ROBO1: variants seen among roughly 807,000 people sequenced by gnomAD.
ROBO1 encodes roundabout homolog 1.
In ROBO1, 149 loss-of-function variants were observed where a neutral mutation model predicts 195.9. The ratio of observed to expected loss-of-function variants is 0.76; its 90% CI spans 0.67 to 0.87. The LOEUF (loss-of-function observed/expected upper bound fraction) is 0.87. Among genes scored for constraint, ROBO1 ranks in the 40% least tolerant of loss-of-function variants. ROBO1 has a pLI of 0.00. For missense variants in ROBO1, 1,933 were observed against 2,068.3 expected (o/e 0.93, Z 1.27); for synonymous variants, 816 against 733.2 (o/e 1.11, Z -1.82).
chr3:78,963,948 G>C (rs188823527), intron 3 of ROBO1, among the ~76,000 whole-genome samples: 8 of 152,332 alleles, frequency 5.3e-5, no homozygotes, highest in Admixed American at 2.6e-4. Flanking sequence ...CAACAGAAAT[G>C]TATTGAATTC....
Position 79,458,027 on chromosome 3 carries a change from T to A in ROBO1, c.88+131797A>T, listed in dbSNP as rs531680440. ...GAGTTTTCTATCACCCAATTCCACA[T>A]GAAGGAAAGAAAGCAGCTTAATGAT... On this transcript the variant is annotated intron_variant, in intron 2 of 30. Transcript: ENST00000464233. Among the ~76,000 whole-genome samples the A allele has an allele frequency of 9.2e-5, 14 of 151,968 alleles. No homozygotes were observed. The East Asian group carries it at 2.7e-3, about 29-fold the overall frequency.
intron 2 of ROBO1, among the ~76,000 whole-genome samples, chr3:79,426,313 C>G (rs2038445041): frequency 6.6e-6 from 1 of 152,006 alleles, no homozygotes; most frequent in South Asian, 2.1e-4. Flanking sequence ...ACTGACATTA[C>G]TATTACTTAT....
At chr3:78,685,125 A>G (rs2081023481) in intron 10 of ROBO1, among the ~76,000 whole-genome samples, 1 of 152,124 alleles carries the variant, frequency 6.6e-6, no homozygotes, top group African/African-American at 2.4e-5. Flanking sequence ...TATATGAAAT[A>G]AGATATGAAA....
At chr3:79,087,835 CA>C (rs1191259855) in intron 3 of ROBO1, among the ~76,000 whole-genome samples, 1 of 152,044 alleles carries the variant, frequency 6.6e-6, no homozygotes, top group African/African-American at 2.4e-5. Context: ...CTACCCCAAA[CA>C]ATATTGATAA....
At chr3:78,613,299 G>C (rs1158792826) in intron 28 of ROBO1, among the ~76,000 whole-genome samples, 2 of 152,098 alleles carry the variant, frequency 1.3e-5, no homozygotes, top group Non-Finnish European at 1.5e-5. Flanking sequence ...GTTTTTCAGT[G>C]AGAAGCACTC....
At chr3:78,989,156 C>T (rs968291878) in intron 3 of ROBO1, among the ~76,000 whole-genome samples, 1 of 151,836 alleles carries the variant, frequency 6.6e-6, no homozygotes, top group Admixed American at 6.6e-5. Flanking sequence ...AATATAGTTT[C>T]AAATAGCTAG....
chr3:79,682,886 C>G (rs1043626909), intron 1 of ROBO1, among the ~76,000 whole-genome samples: 1 of 151,928 alleles, frequency 6.6e-6, no homozygotes, highest in Non-Finnish European at 1.5e-5. Context: ...TTCAGAGTGG[C>G]TTCAAATTAT....
In ROBO1 at chr3:79,239,214, A is replaced by G. The variant is rs117993443; in HGVS notation, c.89-113675T>C. 7.3e-4 allele frequency among the ~76,000 whole-genome samples: 111 copies of G among 152,320 alleles called. 4 individuals are homozygous for G. The East Asian group carries it at 0.017, about 24-fold the overall frequency. On this transcript the variant is annotated intron_variant, in intron 2 of 30. Transcript: ENST00000464233. The stretch of plus-strand genomic sequence containing the variant: ...TAACGGCTAAGAAAAAGTATCCAAA[A>G]AGTGCTATAAAGTGCACTCAAAACA...
At position 79,086,276 on chromosome 3, in the gene ROBO1, G is replaced by C. The variant is rs150687140; in HGVS notation, c.172+39180C>G. Among the ~76,000 whole-genome samples, 16 of 151,086 alleles carry C rather than the reference G, an allele frequency of 1.1e-4. No homozygotes were observed. The East Asian group carries it at 3.1e-3, about 29-fold the overall frequency. ...AGGTGACCATACCACAGTTCTGCAA[G>C]ATAAAGGTTTTATTCAGTTAAAAAT... On this transcript the variant is annotated intron_variant, in intron 3 of 30. Transcript: ENST00000464233.
chr3:78,798,103 G>A (rs887199797), intron 4 of ROBO1, among the ~76,000 whole-genome samples: 2 of 152,104 alleles, frequency 1.3e-5, no homozygotes, highest in Non-Finnish European at 2.9e-5. Flanking sequence ...ACACTATAAA[G>A]TTCATATGGG....
At chr3:78,975,974 T>C (rs1253443005) in intron 3 of ROBO1, among the ~76,000 whole-genome samples, 1 of 152,206 alleles carries the variant, frequency 6.6e-6, no homozygotes, top group Non-Finnish European at 1.5e-5. Flanking sequence ...ACTTAAAATA[T>C]ACAGCATAAC....
chr3:78,780,471 C>T (rs1268454298), intron 4 of ROBO1, among the ~76,000 whole-genome samples: 1 of 151,496 alleles, frequency 6.6e-6, no homozygotes, highest in African/African-American at 2.4e-5. Context: ...TTTTTTCATT[C>T]CATATACATG....
chr3:78,803,489 T>C (rs2084431676), intron 4 of ROBO1, among the ~76,000 whole-genome samples: 1 of 152,114 alleles, frequency 6.6e-6, no homozygotes, highest in African/African-American at 2.4e-5. Context: ...ATAACTCTTA[T>C]TATGAGATGT....
At chr3:78,814,196 A>G (rs1002348828) in intron 4 of ROBO1, among the ~76,000 whole-genome samples, 12 of 152,056 alleles carry the variant, frequency 7.9e-5, no homozygotes, top group African/African-American at 2.9e-4. Flanking sequence ...GAGGAAAGAA[A>G]TTATTTATTA....
intron 2 of ROBO1, among the ~76,000 whole-genome samples, chr3:79,357,697 C>G (rs2035611813): frequency 1.3e-5 from 2 of 152,076 alleles, no homozygotes; most frequent in African/African-American, 4.8e-5. Context: ...GAACATAAGA[C>G]TTCTAAAACA....
At chr3:79,677,880 G>T (rs1165577325) in intron 1 of ROBO1, among the ~76,000 whole-genome samples, 1 of 152,032 alleles carries the variant, frequency 6.6e-6, no homozygotes, top group Non-Finnish European at 1.5e-5. Flanking sequence ...CTAAGCATAG[G>T]ACCCAGTTCA....
intron 4 of ROBO1, among the ~76,000 whole-genome samples, chr3:78,874,057 A>G (rs991063669): frequency 2.0e-5 from 3 of 151,890 alleles, no homozygotes; most frequent in African/African-American, 2.4e-5. Flanking sequence ...TACTAACCTT[A>G]AAGTATGAGC....
At chr3:78,937,643 C>A (rs578258086) in intron 4 of ROBO1, among the ~76,000 whole-genome samples, 1 of 152,090 alleles carries the variant, frequency 6.6e-6, no homozygotes, top group Non-Finnish European at 1.5e-5. Context: ...ATAGATACAA[C>A]AGTTTAATGG....
chr3:78,740,340 C>A, intron 5 of ROBO1, among the ~76,000 whole-genome samples: 1 of 150,348 alleles, frequency 6.7e-6, no homozygotes, highest in African/African-American at 2.5e-5. Flanking sequence ...ATTATTCTCT[C>A]TAAAAATTGA....
Sources: gnomAD v4.1 joint callset for allele counts (sites outside exome capture counted in the v4.1 genomes callset) on GRCh38, gnomAD v4.1.1 for gene constraint, MANE v1.5 for transcripts, NCBI Gene and HGNC (gene_info 2026-07-23, HGNC 2026-07-21) for gene names.